Variants in ORC1 observed in about 807,000 individuals in gnomAD.
ORC1 encodes origin recognition complex, subunit 1 homolog.
In ORC1, 61 loss-of-function variants were observed where a neutral mutation model predicts 98.9. The observed-to-expected ratio is 0.62, with a 90% CI of 0.50 to 0.76. The LOEUF (loss-of-function observed/expected upper bound fraction) is 0.76, where lower values mean the gene tolerates loss of function less well. Among genes scored for constraint, ORC1 ranks in the 30% least tolerant of loss-of-function variants. The pLI is 0.00. For synonymous variants in ORC1, 385 were observed against 406.9 expected (o/e 0.95, Z 0.65); for missense variants, 979 against 1,072.2 (o/e 0.91, Z 1.21).
In ORC1 at chr1:52,396,180, C is replaced by A. The variant is rs749937257; in HGVS notation, c.587G>T (p.Ser196Ile). ...CQKPVRAKSK[S>I]AESPSWTPAE... is the part of the protein sequence containing the mutation. Reference sequence around the variant, plus strand: ...TGGGGTCCAAGAAGGGCTCTCTGCACTCTTACTCTTGGCTCTCACGGGTTT... The same window carrying A: ...TGGGGTCCAAGAAGGGCTCTCTGCAATCTTACTCTTGGCTCTCACGGGTTT... The change falls in exon 5 of 17, where the codon AGT becomes ATT. Residue 196 changes from serine (S) to isoleucine (I), a missense_variant. Ser to Ile is a moderately radical substitution (Grantham distance 142). Transcript: ENST00000371568. 1 of 1,614,138 alleles carries A rather than the reference C, an allele frequency of 6.2e-7. No individual in the cohort carries two copies. The highest frequency in any genetic ancestry group is 1.1e-5 in the South Asian group (1 of 91,072).
intron 12 of ORC1, 124 bp from the exon 13 acceptor site, chr1:52,383,693 T>C: frequency 5.3e-6 from 7 of 1,310,242 alleles, no homozygotes; most frequent in Non-Finnish European, 2.2e-6. Flanking sequence ...AAACAATCCA[T>C]TGACACACGC....
chr1:52,389,027 G>A (rs776808126), intron 7 of ORC1, among the ~76,000 whole-genome samples, 190 bp downstream of exon 7: 18 of 152,182 alleles, frequency 1.2e-4, no homozygotes, highest in Non-Finnish European at 2.6e-4. Context: ...AGTCACCTAA[G>A]CCCAGGAAGT....
At chr1:52,394,783 G>A (rs1647320588) in intron 5 of ORC1, among the ~76,000 whole-genome samples, 1 of 152,042 alleles carries the variant, frequency 6.6e-6, no homozygotes, top group Non-Finnish European at 1.5e-5. Context: ...CGAGTAGCTG[G>A]GATTACAGGT....
upstream of ORC1, among the ~76,000 whole-genome samples, chr1:52,406,584 A>G (rs1191807813): frequency 1.3e-5 from 2 of 152,194 alleles, no homozygotes; most frequent in Non-Finnish European, 2.9e-5. Context: ...AATGGTGACT[A>G]TAATATAAGA....
At chr1:52,404,699 G>C (rs940178827), upstream of ORC1, 1 of 1,590,594 alleles carries the variant, frequency 6.3e-7, no homozygotes, top group Non-Finnish European at 8.6e-7. Flanking sequence ...TCTGAACCTG[G>C]ATGTGAGGCA....
chr1:52,384,907 CCA>C (rs1038488851), intron 10 of ORC1, among the ~76,000 whole-genome samples, 186 bp from the exon 11 acceptor site: 5 of 152,236 alleles, frequency 3.3e-5, no homozygotes, highest in East Asian at 1.9e-4. Context: ...ATCATTCATT[CCA>C]CAGTTTGCAT....
rs1262678507 is a variant in ORC1, at chr1:52,393,667, C to G, written c.858G>C (p.Leu286Phe). The G allele has an allele frequency of 6.2e-7, 1 of 1,613,992 alleles. No individual in the cohort carries two copies. Among genetic ancestry groups the G allele is most frequent in the East Asian group, 2.2e-5 (1 of 44,890 alleles). ...KRSQPDKLQT[L>F]SPALKAPEKT... Reference sequence around the variant, plus strand: ...TCTCTGGGGCTTTCAGAGCTGGAGACAAGGTTTGAAGTTTATCAGGCTGAG... The same window carrying G: ...TCTCTGGGGCTTTCAGAGCTGGAGAGAAGGTTTGAAGTTTATCAGGCTGAG... The change falls in exon 6 of 17, where the codon TTG becomes TTC. Residue 286 changes from leucine (L) to phenylalanine (F), a missense_variant. Transcript: ENST00000371568.
intron 15 of ORC1, 111 bp downstream of exon 15, chr1:52,375,319 T>A: frequency 1.0e-6 from 1 of 954,578 alleles, no homozygotes; most frequent in Non-Finnish European, 1.7e-6. Flanking sequence ...ATAATGTCCC[T>A]ATGAAACATA....
rs139610824 is a variant in ORC1 at position 52,394,883 on chromosome 1, C to T, written c.722-1080G>A. ...CAGGTTGGTCTCAAATGCCTGACCT[C>T]AGTTGATCCACCCGCCTCGGCCTCC... is the stretch of plus-strand genomic sequence containing the variant. On this transcript the variant is annotated intron_variant, in intron 5 of 16. Transcript: ENST00000371568. Among the ~76,000 whole-genome samples the T allele has an allele frequency of 9.3e-3, 1,409 of 152,318 alleles. 28 individuals carry two copies. Among genetic ancestry groups the T allele is most frequent in the African/African-American group, 0.032 (1,319 of 41,554 alleles).
At chr1:52,399,143 A>G (rs1015144065) in intron 3 of ORC1, among the ~76,000 whole-genome samples, 1 of 152,210 alleles carries the variant, frequency 6.6e-6, no homozygotes, top group Non-Finnish European at 1.5e-5. Context: ...AATAAAAATC[A>G]GTGACTATAA....
intron 16 of ORC1, 62 bp from the exon 17 acceptor site, chr1:52,373,437 C>A: frequency 7.0e-7 from 1 of 1,430,264 alleles, no homozygotes; most frequent in East Asian, 2.3e-5. Flanking sequence ...TTTTCTGTTC[C>A]TTTCTTTCTT....
At chr1:52,396,639 G>A (rs1051702602) in intron 4 of ORC1, among the ~76,000 whole-genome samples, 2 of 151,946 alleles carry the variant, frequency 1.3e-5, no homozygotes, top group African/African-American at 2.4e-5. Context: ...AATGTTTATT[G>A]TTCATCTCTC....
chr1:52,406,840 G>C (rs1569973119), upstream of ORC1, among the ~76,000 whole-genome samples: 1 of 152,134 alleles, frequency 6.6e-6, no homozygotes, highest in East Asian at 1.9e-4. Flanking sequence ...CTGAGGCACA[G>C]AGATTAATTA....
intron 1 of ORC1, 32 bp from the exon 2 acceptor site, chr1:52,402,260 G>T: frequency 6.7e-7 from 1 of 1,498,716 alleles, no homozygotes; most frequent in South Asian, 1.1e-5. Flanking sequence ...GAGTTACCAT[G>T]ATAAATATTT....
chr1:52,381,171 C>G (rs1424465156), intron 14 of ORC1, among the ~76,000 whole-genome samples: 1 of 152,040 alleles, frequency 6.6e-6, no homozygotes, highest in Non-Finnish European at 1.5e-5. Flanking sequence ...CATCTAATAC[C>G]TCATATCTAG....
chr1:52,377,389 C>T (rs1647007457), intron 14 of ORC1, among the ~76,000 whole-genome samples: 1 of 152,196 alleles, frequency 6.6e-6, no homozygotes, highest in South Asian at 2.1e-4. Flanking sequence ...ATCCTCCCAC[C>T]TCAGCTTCCC....
intron 6 of ORC1, among the ~76,000 whole-genome samples, chr1:52,392,990 G>A (rs1246239452): frequency 6.6e-6 from 1 of 152,134 alleles, no homozygotes; most frequent in Non-Finnish European, 1.5e-5. Context: ...CAAAACCTCA[G>A]AAATCACCAC....
In ORC1 at chr1:52,375,524, G is replaced by A; in HGVS notation, c.2209C>T (p.Gln737Ter). 5 of 1,614,106 alleles carry A rather than the reference G, an allele frequency of 3.1e-6. No individual in the cohort carries two copies. The highest frequency in any genetic ancestry group is 4.2e-6 in the Non-Finnish European group (5 of 1,179,992). The change falls in exon 15 of 17, where the codon CAG becomes TAG. Residue 737 changes from glutamine (Q) to a stop codon, truncating the protein, a stop_gained. Transcript: ENST00000371568. LOFTEE classifies it high-confidence loss of function. ...AGGCCAGGGGAGTCAGGCTTCTGCT[G>A]GGAGAACTCACAGATCTCTGTGGCA... is the stretch of plus-strand genomic sequence containing the variant. ...RRATEICEFS[Q>*]QKPDSPGLVT... is the part of the protein sequence containing the mutation.
chr1:52,397,893 T>G (rs1188099840), intron 3 of ORC1, 30 bp from the exon 4 acceptor site: 3 of 1,598,354 alleles, frequency 1.9e-6, no homozygotes, highest in East Asian at 4.5e-5. Context: ...AAGGGAAAGG[T>G]TAAGACAACT....
Sources: allele counts gnomAD v4.1 joint callset (sites outside exome capture counted in the v4.1 genomes callset), GRCh38; gene constraint gnomAD v4.1.1; transcripts MANE v1.5; gene names NCBI Gene and HGNC (gene_info 2026-07-23, HGNC 2026-07-21).